ZRANB3: variants seen among roughly 807,000 people sequenced by gnomAD.
ZRANB3 encodes DNA annealing helicase and endonuclease ZRANB3.
ZRANB3 carries 125 observed loss-of-function variants against 133.8 expected under a neutral mutation model. The ratio of observed to expected loss-of-function variants is 0.93; its 90% CI spans 0.81 to 1.08. The LOEUF is 1.08. Among genes scored for constraint, ZRANB3 ranks in the 50% least tolerant of loss-of-function variants. ZRANB3 has a pLI of 0.00. For synonymous variants in ZRANB3, 387 were observed against 432.7 expected (o/e 0.89, Z 1.31); for missense variants, 1,229 against 1,275.5 (o/e 0.96, Z 0.56).
intron 3 of ZRANB3, among the ~76,000 whole-genome samples, chr2:135,377,954 G>C (rs1180191283): frequency 6.6e-6 from 1 of 152,178 alleles, no homozygotes; most frequent in African/African-American, 2.4e-5. Flanking sequence ...TGTGAGAAGA[G>C]AGACTGGCCT....
intron 2 of ZRANB3, among the ~76,000 whole-genome samples, chr2:135,495,441 A>G (rs1692622333): frequency 6.6e-6 from 1 of 152,208 alleles, no homozygotes; most frequent in Non-Finnish European, 1.5e-5. Context: ...AGTTTCGCAG[A>G]TTAAAGGAGC....
At chr2:135,300,641 T>A (rs1240639916) in intron 8 of ZRANB3, among the ~76,000 whole-genome samples, 1 of 152,150 alleles carries the variant, frequency 6.6e-6, no homozygotes, top group African/African-American at 2.4e-5. Flanking sequence ...AGATTTGACC[T>A]TTTCCCTCCC....
rs780017491 is a variant in ZRANB3 at position 135,269,091 on chromosome 2, C to G, written c.1257G>C (p.Trp419Cys). 3 of 1,611,608 alleles carry G rather than the reference C, an allele frequency of 1.9e-6. No homozygotes were observed. In the South Asian group the frequency reaches 3.3e-5, roughly 18 times the overall value. The change falls in exon 11 of 21, where the codon TGG becomes TGC. Residue 419 changes from tryptophan to cysteine, a missense_variant. Trp to Cys is a radical substitution (Grantham distance 215). Coordinates refer to ENST00000264159, the MANE Select transcript of ZRANB3 (RefSeq NM_032143.4). ...CTGCTTGTTTTATATGTCCAGGGTC[C>G]CAGTACAACTCAGCAAATACAACAT... The part of the protein sequence containing the change: ...ASHVVFAELY[W>C]DPGHIKQAED...
At chr2:135,496,607 T>A (rs1371555483) in intron 2 of ZRANB3, among the ~76,000 whole-genome samples, 1 of 151,910 alleles carries the variant, frequency 6.6e-6, no homozygotes, top group Non-Finnish European at 1.5e-5. Flanking sequence ...AACCAAAACA[T>A]TGCAAAAAAC....
intron 2 of ZRANB3, among the ~76,000 whole-genome samples, chr2:135,491,123 A>G (rs1692352424): frequency 6.6e-6 from 1 of 152,192 alleles, no homozygotes; most frequent in South Asian, 2.1e-4. Flanking sequence ...ATTTCAAAAT[A>G]ACTTCAACCA....
At chr2:135,363,790 A>G (rs1451622893) in intron 3 of ZRANB3, among the ~76,000 whole-genome samples, 1 of 152,198 alleles carries the variant, frequency 6.6e-6, no homozygotes, top group Non-Finnish European at 1.5e-5. Context: ...AACACCTCAA[A>G]TTCTGATTCA....
intron 10 of ZRANB3, 119 bp downstream of exon 10, chr2:135,271,649 T>TTA (rs1680519149): frequency 9.3e-6 from 11 of 1,186,522 alleles, no homozygotes; most frequent in South Asian, 6.7e-5. Flanking sequence ...GAATTACTAT[T>TTA]TATTATACAA....
chr2:135,310,814 A>G (rs1351724621), intron 8 of ZRANB3, among the ~76,000 whole-genome samples: 1 of 152,126 alleles, frequency 6.6e-6, no homozygotes, highest in Admixed American at 6.6e-5. Context: ...TTATGAGACC[A>G]GTGTTGTATA....
chr2:135,276,288 GT>G (rs1298840703), intron 8 of ZRANB3, among the ~76,000 whole-genome samples: 2 of 147,288 alleles, frequency 1.4e-5, no homozygotes, highest in Non-Finnish European at 3.0e-5. Context: ...CAAATAAGCA[GT>G]TCAAGGAGTA....
At chr2:135,374,266 TG>T (rs748213117) in intron 3 of ZRANB3, among the ~76,000 whole-genome samples, 1 of 151,968 alleles carries the variant, frequency 6.6e-6, no homozygotes, top group East Asian at 1.9e-4. Flanking sequence ...ATTAGCTGGG[TG>T]TGGTGGCCAG....
At chr2:135,338,009 T>C (rs1684444818) in intron 6 of ZRANB3, among the ~76,000 whole-genome samples, 2 of 152,194 alleles carry the variant, frequency 1.3e-5, no homozygotes, top group Non-Finnish European at 2.9e-5. Context: ...AAATCTAAAG[T>C]ATAAGAAATG....
intron 12 of ZRANB3, 57 bp from the exon 13 acceptor site, chr2:135,230,984 A>C: frequency 1.4e-6 from 2 of 1,458,100 alleles, no homozygotes; most frequent in Non-Finnish European, 1.8e-6. Context: ...TGTTCTTCTT[A>C]CATAAAAGAG....
chr2:135,262,653 T>C (rs545922025), intron 12 of ZRANB3, among the ~76,000 whole-genome samples: 6 of 152,170 alleles, frequency 3.9e-5, no homozygotes, highest in Admixed American at 3.3e-4. Context: ...TGGTAGCACA[T>C]GCCTGTGGTC....
chr2:135,270,964 T>A (rs1680483660), intron 10 of ZRANB3, among the ~76,000 whole-genome samples: 1 of 152,222 alleles, frequency 6.6e-6, no homozygotes, highest in South Asian at 2.1e-4. Context: ...TATCCTTCTC[T>A]TATTCCTTTG....
At position 135,293,391 on chromosome 2, in the gene ZRANB3, CTGTT is replaced by C. The variant is rs1282809879; in HGVS notation, c.967-17640_967-17637del. Among the ~76,000 whole-genome samples the C allele has an allele frequency of 3.3e-5, 5 of 151,932 alleles. No homozygotes were observed. The East Asian group carries it at 5.8e-4, about 18-fold the overall frequency. ...GGGAGTTCACTCATGATTTGGCTCT[CTGTT>C]TGTCTGTTATTGGTGTATAAGAATG... On this transcript the variant is annotated intron_variant, in intron 8 of 20. Coordinates refer to ENST00000264159, the MANE Select transcript of ZRANB3 (RefSeq NM_032143.4).
intron 13 of ZRANB3, among the ~76,000 whole-genome samples, chr2:135,228,848 T>A (rs1694868631): frequency 6.6e-6 from 1 of 152,176 alleles, no homozygotes; most frequent in Admixed American, 6.5e-5. Context: ...TAATCAGACT[T>A]TCTTATTCAC....
intron 9 of ZRANB3, 114 bp from the exon 10 acceptor site, chr2:135,272,001 G>T: frequency 1.7e-6 from 2 of 1,159,096 alleles, no homozygotes; most frequent in Non-Finnish European, 2.3e-6. Flanking sequence ...ACTTGGTTAA[G>T]GTGACAGATT....
At chr2:135,274,738 G>A (rs950716648) in intron 9 of ZRANB3, among the ~76,000 whole-genome samples, 2 of 152,130 alleles carry the variant, frequency 1.3e-5, no homozygotes, top group African/African-American at 2.4e-5. Flanking sequence ...AAGTGAACAA[G>A]GGTCTCTGGT....
At chr2:135,444,839 C>T (rs555793382) in intron 2 of ZRANB3, among the ~76,000 whole-genome samples, 7 of 151,932 alleles carry the variant, frequency 4.6e-5, no homozygotes, top group Middle Eastern at 3.2e-3. Flanking sequence ...AAGCGGTAGG[C>T]GTGGGCGGGG....
Sources: gnomAD v4.1 joint callset for allele counts (sites outside exome capture counted in the v4.1 genomes callset) on GRCh38, gnomAD v4.1.1 for gene constraint, MANE v1.5 for transcripts, NCBI Gene and HGNC (gene_info 2026-07-23, HGNC 2026-07-21) for gene names.